Variants in ARHGEF6 observed in about 807,000 individuals in gnomAD.
ARHGEF6 encodes rho guanine nucleotide exchange factor 6.
A neutral mutation model predicts 70.3 loss-of-function variants in ARHGEF6; 9 were observed. That is an observed-to-expected ratio of 0.13 (90% CI 0.08 to 0.22). The LOEUF (loss-of-function observed/expected upper bound fraction) is 0.22. ARHGEF6 is among the 10% of genes least tolerant of loss of function. ARHGEF6 has a pLI of 1.00. For synonymous variants in ARHGEF6, 201 were observed against 207.8 expected (o/e 0.97, Z 0.28); for missense variants, 470 against 563.0 (o/e 0.83, Z 1.67).
intron 2 of ARHGEF6, among the ~76,000 whole-genome samples, chrX:136,752,058 T>C (rs1197913664): frequency 8.9e-6 from 1 of 111,786 alleles, no homozygotes; most frequent in Admixed American, 9.5e-5. Flanking sequence ...ACACCTTATG[T>C]TTCCATGAGA....
At chrX:136,732,217 TG>T in intron 5 of ARHGEF6, 45 bp from the exon 6 acceptor site, 2 of 1,012,215 alleles carry the variant, frequency 2.0e-6, no homozygotes, top group African/African-American at 1.9e-5. Context: ...CAGAAGGCTA[TG>T]ATGAACATTT....
intron 12 of ARHGEF6, among the ~76,000 whole-genome samples, chrX:136,684,002 T>C (rs1270764356): frequency 8.9e-6 from 1 of 112,351 alleles, no homozygotes; most frequent in African/African-American, 3.2e-5. Flanking sequence ...ATCCCATTTC[T>C]TGACATTTTA....
At chrX:136,763,568 T>A (rs1466328115) in intron 2 of ARHGEF6, among the ~76,000 whole-genome samples, 1 of 112,407 alleles carries the variant, frequency 8.9e-6, no homozygotes, top group African/African-American at 3.2e-5. Flanking sequence ...CTTACGCCTG[T>A]AATCCTAGCA....
chrX:136,686,666 GTA>G lies in ARHGEF6; in HGVS notation c.1246-845_1246-844del, dbSNP rs1163732593. Among the ~76,000 whole-genome samples the G allele has an allele frequency of 7.7e-3, 396 of 51,664 alleles. 2 individuals carry two copies. Among genetic ancestry groups the G allele is most frequent in the Non-Finnish European group, 0.011 (311 of 27,529 alleles). The allele number at this position is 51,664 out of a possible 115,157, so 44.9% of individuals were successfully genotyped here. On this transcript the variant is annotated intron_variant, in intron 11 of 21. Transcript: ENST00000250617. ...TACACACATATATATATACACATGT[GTA>G]TATATATATACACATATATATATAT...
At chrX:136,726,813 A>C (rs1335924034) in intron 6 of ARHGEF6, among the ~76,000 whole-genome samples, 1 of 112,972 alleles carries the variant, frequency 8.9e-6, no homozygotes, top group Non-Finnish European at 1.9e-5. Flanking sequence ...CTGCACACAG[A>C]TGCTCATCCC....
At chrX:136,698,283 C>T (rs1237838536) in intron 9 of ARHGEF6, among the ~76,000 whole-genome samples, 2 of 109,895 alleles carry the variant, frequency 1.8e-5, no homozygotes, top group East Asian at 5.7e-4. Context: ...AATCTTTAAG[C>T]AAAAGAACAT....
At chrX:136,684,760 G>T (rs747844067) in intron 12 of ARHGEF6, among the ~76,000 whole-genome samples, 1 of 111,340 alleles carries the variant, frequency 9.0e-6, no homozygotes, top group South Asian at 3.9e-4. Context: ...ACCACTTCCT[G>T]TTGGCTTTCC....
chrX:136,709,735 C>T (rs2076663905), intron 7 of ARHGEF6, among the ~76,000 whole-genome samples: 2 of 112,609 alleles, frequency 1.8e-5, no homozygotes, highest in African/African-American at 3.2e-5. Context: ...GAGGCCGAGG[C>T]GGGTGGATCA....
intron 2 of ARHGEF6, 90 bp from the exon 3 acceptor site, chrX:136,747,682 CGGAAAAA>C (rs1849381561): frequency 1.2e-4 from 23 of 191,723 alleles, no homozygotes; most frequent in Middle Eastern, 1.5e-3. Context: ...TCCAGCTCTC[CGGAAAAA>C]AAAAAAAAAA....
chrX:136,761,708 T>C (rs983593710), intron 2 of ARHGEF6, among the ~76,000 whole-genome samples: 1 of 112,015 alleles, frequency 8.9e-6, no homozygotes, highest in East Asian at 2.8e-4. Context: ...TTAGAAAATA[T>C]GTGAGGATTT....
chrX:136,691,947 T>C (rs1252830809), intron 9 of ARHGEF6, among the ~76,000 whole-genome samples: 1 of 111,951 alleles, frequency 8.9e-6, no homozygotes, highest in African/African-American at 3.3e-5. Flanking sequence ...AGAACACGTC[T>C]TATGCCATGG....
At chrX:136,715,114 C>A (rs2076724329) in intron 6 of ARHGEF6, among the ~76,000 whole-genome samples, 1 of 110,912 alleles carries the variant, frequency 9.0e-6, no homozygotes, top group East Asian at 2.8e-4. Context: ...AACCCCTATA[C>A]CCAGCCACTC....
Position 136,727,357 on chromosome X carries a change from C to CTTTCTT in ARHGEF6, c.732+4739_732+4744dup, listed in dbSNP as rs2053500882. Among the ~76,000 whole-genome samples the CTTTCTT allele has an allele frequency of 1.4e-4, 8 of 58,257 alleles. No individual in the cohort carries two copies. In the Admixed American group the frequency reaches 1.5e-3, roughly 11 times the overall value. 50.6% of individuals were successfully genotyped at this position (58,257 alleles called of 115,157 possible). A position where few individuals can be genotyped will look rare whatever the true frequency, so the allele number is the denominator to read the frequency against. On this transcript the variant is annotated intron_variant, in intron 6 of 21. Coordinates refer to ENST00000250617, the MANE Select transcript of ARHGEF6 (RefSeq NM_004840.3). ...TCTTTCTTTCTTTCTTTCTTTCTTT[C>CTTTCTT]TTTCTTTCTTTCTTTCTTTCTTTCT...
chrX:136,732,059 A>G (rs991238070), intron 6 of ARHGEF6, 43 bp downstream of exon 6: 6 of 1,058,333 alleles, frequency 5.7e-6, no homozygotes, highest in Non-Finnish European at 6.5e-6. Flanking sequence ...AAAAAGTTCC[A>G]TATAGAGTCA....
At position 136,680,826 on chromosome X, in the gene ARHGEF6, G is replaced by C. The variant is rs2076326225; in HGVS notation, c.1609C>G (p.Gln537Glu). The C allele has an allele frequency of 8.3e-7, 1 of 1,209,489 alleles. No individual in the cohort carries two copies. Among genetic ancestry groups the C allele is most frequent in the Non-Finnish European group, 1.1e-6 (1 of 894,570 alleles). ...CTGTTCAGCTGCTCCAACCATTCCT[G>C]GAAGTCCTGGTTGTTGTTACAATGG... ...VVHCNNNQDF[Q>E]EWLEQLNRLI... Residue 537 changes from glutamine (Q) to glutamate (E), a missense_variant, in exon 15 of 22, where the codon CAG becomes GAG. Physicochemically the swap from Gln to Glu is conservative, Grantham distance 29. Coordinates refer to ENST00000250617, the MANE Select transcript of ARHGEF6 (RefSeq NM_004840.3).
At chrX:136,685,157 T>C (rs141274216) in intron 12 of ARHGEF6, among the ~76,000 whole-genome samples, 4,924 of 111,407 alleles carry the variant, frequency 0.044, 101 homozygotes, top group South Asian at 0.11. Context: ...TCTCCTAAGA[T>C]AACAATGACC....
At chrX:136,780,040 G>A (rs2077435030) in intron 1 of ARHGEF6, among the ~76,000 whole-genome samples, 1 of 111,980 alleles carries the variant, frequency 8.9e-6, no homozygotes, top group South Asian at 3.7e-4. Context: ...CCTTAAGAAA[G>A]TAAATGTAAA....
intron 2 of ARHGEF6, among the ~76,000 whole-genome samples, chrX:136,766,707 A>G (rs1168540029): frequency 8.9e-6 from 1 of 112,795 alleles, no homozygotes; most frequent in Non-Finnish European, 1.9e-5. Flanking sequence ...CTTGTAGAAT[A>G]CAGGTCTTTT....
At chrX:136,779,568 C>T (rs2077431445) in intron 1 of ARHGEF6, 71 bp from the exon 2 acceptor site, 1 of 972,981 alleles carries the variant, frequency 1.0e-6, no homozygotes. Context: ...TCATCATTTG[C>T]TGATAACTAG....
Sources: allele counts gnomAD v4.1 joint callset (sites outside exome capture counted in the v4.1 genomes callset), GRCh38; gene constraint gnomAD v4.1.1; transcripts MANE v1.5; gene names NCBI Gene and HGNC (gene_info 2026-07-23, HGNC 2026-07-21).